The following MCC variants were observed in gnomAD, a reference collection of about 807,000 sequenced individuals.
The protein encoded by MCC is colorectal mutant cancer protein.
MCC carries 90 observed loss-of-function variants against 116.2 expected under a neutral mutation model. The observed-to-expected ratio is 0.77, with a 90% CI of 0.65 to 0.92. The LOEUF (loss-of-function observed/expected upper bound fraction) is 0.92. Ranked by LOEUF, MCC falls within the 40% of genes least tolerant of loss-of-function variation. The pLI is 0.00. For synonymous variants in MCC, 578 were observed against 510.5 expected (o/e 1.13, Z -1.78); for missense variants, 1,516 against 1,312.2 (o/e 1.16, Z -2.40).
chr5:113,256,965 T>C (rs889747455), intron 3 of MCC, among the ~76,000 whole-genome samples: 4 of 152,180 alleles, frequency 2.6e-5, no homozygotes, highest in African/African-American at 9.7e-5. Flanking sequence ...TCAATTCTTA[T>C]CTTTATAGGA....
chr5:113,122,512 T>A (rs968333053), intron 6 of MCC, among the ~76,000 whole-genome samples, 172 bp downstream of exon 6: 1 of 152,248 alleles, frequency 6.6e-6, no homozygotes, highest in Admixed American at 6.5e-5. Flanking sequence ...AAGCTTCAGT[T>A]CCATTTTGAC....
intron 3 of MCC, among the ~76,000 whole-genome samples, chr5:113,233,015 T>C (rs1763992952): frequency 6.6e-6 from 1 of 152,180 alleles, no homozygotes; most frequent in Non-Finnish European, 1.5e-5. Context: ...ATAAGTCTTG[T>C]TACAGGGCTA....
At chr5:113,077,635 T>C (rs2150238990) in intron 11 of MCC, among the ~76,000 whole-genome samples, 1 of 152,258 alleles carries the variant, frequency 6.6e-6, no homozygotes, top group South Asian at 2.1e-4. Flanking sequence ...CATACAAGAA[T>C]CTCTGGGACA....
At chr5:113,048,228 C>T (rs1016205494) in intron 16 of MCC, among the ~76,000 whole-genome samples, 4 of 152,214 alleles carry the variant, frequency 2.6e-5, no homozygotes, top group Non-Finnish European at 1.5e-5. Flanking sequence ...CCCTTAACTG[C>T]AGTTTTGCTT....
chr5:113,351,787 T>A (rs535824127), intron 2 of MCC, among the ~76,000 whole-genome samples: 1 of 152,270 alleles, frequency 6.6e-6, no homozygotes, highest in East Asian at 1.9e-4. Context: ...CATGCCTGTA[T>A]CAAAGTATCT....
At chr5:113,068,052 G>A (rs370064649) in intron 13 of MCC, 28 bp downstream of exon 13, 5 of 1,576,088 alleles carry the variant, frequency 3.2e-6, no homozygotes, top group Non-Finnish European at 4.4e-6. Flanking sequence ...GAGACAAGAG[G>A]AGGAAGAGGG....
rs769016720 is a variant in MCC at position 113,049,252 on chromosome 5, C to T, written c.2496G>A (p.Glu832=). The T allele has an allele frequency of 4.3e-6, 7 of 1,612,520 alleles. No individual in the cohort carries two copies. The South Asian group carries it at 7.7e-5, about 18-fold the overall frequency. Residue 832 remains glutamate, a synonymous_variant, in exon 16 of 19, where the codon GAG becomes GAA. Coordinates refer to ENST00000408903, the MANE Select transcript of MCC (RefSeq NM_001085377.2). ...TCAGCTTCAGCTCCAGGGCCTTCTT[C>T]TCTTTCTCCAGTAGGTAGAGCTGGG... ...LKAQLYLLEK[E]KKALELKLST...
intron 1 of MCC, among the ~76,000 whole-genome samples, chr5:113,440,568 TAAG>T (rs889126679): frequency 5.0e-5 from 7 of 140,790 alleles, no homozygotes; most frequent in Admixed American, 4.2e-4. Context: ...AAGAAAAAAA[TAAG>T]AAAGTAAAGA....
Position 113,348,215 on chromosome 5 carries a change from C to G in MCC, c.416-7485G>C, listed in dbSNP as rs12652251. Among the ~76,000 whole-genome samples the G allele has an allele frequency of 3.2e-3, 492 of 152,100 alleles. 8 individuals are homozygous for G. The East Asian group carries it at 0.055, about 17-fold the overall frequency. On this transcript the variant is annotated intron_variant, in intron 2 of 18. Transcript: ENST00000408903. The stretch of plus-strand genomic sequence containing the variant: ...TAATCTGCATAATAGAACAAATGGA[C>G]CTAACAGATATTTACAGAACATTTC...
intron 3 of MCC, among the ~76,000 whole-genome samples, chr5:113,314,300 T>C (rs12108831): frequency 0.088 from 13,436 of 152,260 alleles, 1,391 homozygotes; most frequent in African/African-American, 0.25. Context: ...ATTTTTCTAA[T>C]TACAATTTGG....
At chr5:113,249,190 G>A (rs957251750) in intron 3 of MCC, among the ~76,000 whole-genome samples, 7 of 151,928 alleles carry the variant, frequency 4.6e-5, no homozygotes, top group Admixed American at 3.9e-4. Flanking sequence ...CACACTGTCT[G>A]TGGATCCAGA....
chr5:113,369,130 A>G (rs922385896), intron 2 of MCC, among the ~76,000 whole-genome samples: 1 of 151,622 alleles, frequency 6.6e-6, no homozygotes, highest in Non-Finnish European at 1.5e-5. Flanking sequence ...TTTTTAATGG[A>G]CACTTCATTA....
intron 3 of MCC, among the ~76,000 whole-genome samples, chr5:113,237,681 T>C (rs926560234): frequency 2.0e-5 from 3 of 152,354 alleles, no homozygotes; most frequent in South Asian, 2.1e-4. Context: ...AGAGAAATTA[T>C]ATTTGAAAAA....
At chr5:113,089,111 A>G (rs1755416920) in intron 8 of MCC, among the ~76,000 whole-genome samples, 1 of 152,178 alleles carries the variant, frequency 6.6e-6, no homozygotes. Context: ...ACACCAGAAC[A>G]TGACCTGAGA....
In MCC at chr5:113,053,782, G is replaced by C; in HGVS notation, c.2391C>G (p.Asp797Glu). Reference sequence around the variant, plus strand: ...CGTTTTCCAGATCCAGCCTCTGGCTGTCTCCCCGAGGCTTGACGTCATAGC... The same window carrying C: ...CGTTTTCCAGATCCAGCCTCTGGCTCTCTCCCCGAGGCTTGACGTCATAGC... ...PLSYDVKPRG[D>E]SQRLDLENAV... The change falls in exon 15 of 19, where the codon GAC becomes GAG. Residue 797 changes from aspartate to glutamate, a missense_variant. Physicochemically the swap from Asp to Glu is conservative, Grantham distance 45 (BLOSUM62 2). Coordinates refer to ENST00000408903, the MANE Select transcript of MCC (RefSeq NM_001085377.2). The C allele has an allele frequency of 6.2e-7, 1 of 1,613,890 alleles. No homozygotes were observed. Among genetic ancestry groups the C allele is most frequent in the East Asian group, 2.2e-5 (1 of 44,872 alleles).
intron 15 of MCC, among the ~76,000 whole-genome samples, chr5:113,051,718 T>C (rs766212124): frequency 5.0e-5 from 7 of 140,202 alleles, no homozygotes; most frequent in Non-Finnish European, 9.6e-5. Flanking sequence ...AGTGAGACCC[T>C]GTTTCAAAAC....
At chr5:113,060,569 G>A (rs1156686931) in intron 14 of MCC, among the ~76,000 whole-genome samples, 1 of 152,142 alleles carries the variant, frequency 6.6e-6, no homozygotes, top group East Asian at 1.9e-4. Context: ...GAGAGTCCTA[G>A]AATGGAGAAC....
At chr5:113,283,569 T>C (rs1027888899) in intron 3 of MCC, among the ~76,000 whole-genome samples, 2 of 152,124 alleles carry the variant, frequency 1.3e-5, no homozygotes, top group African/African-American at 2.4e-5. Context: ...TGCTGAGAAA[T>C]TTTAAAGAAA....
intron 3 of MCC, among the ~76,000 whole-genome samples, chr5:113,297,330 C>T (rs1349598802): frequency 1.3e-5 from 2 of 152,094 alleles, no homozygotes; most frequent in Admixed American, 1.3e-4. Flanking sequence ...TGGTAAAACC[C>T]TGTCTCTACT....
Sources: gnomAD v4.1 joint callset for allele counts (sites outside exome capture counted in the v4.1 genomes callset) on GRCh38, gnomAD v4.1.1 for gene constraint, MANE v1.5 for transcripts, NCBI Gene and HGNC (gene_info 2026-07-23, HGNC 2026-07-21) for gene names.